Variants in SMURF1 observed in about 807,000 individuals in gnomAD.
SMURF1 encodes SMAD specific E3 ubiquitin protein ligase 1, also known as E3 ubiquitin-protein ligase SMURF1.
In SMURF1, 44 loss-of-function variants were observed where a neutral mutation model predicts 98.0. The observed-to-expected ratio is 0.45, with a 90% CI of 0.35 to 0.58. The LOEUF (loss-of-function observed/expected upper bound fraction) is 0.58. Ranked by LOEUF, SMURF1 falls within the 20% of genes least tolerant of loss-of-function variation. SMURF1 has a pLI of 0.00. For synonymous variants in SMURF1, 396 were observed against 374.9 expected (o/e 1.06, Z -0.65); for missense variants, 687 against 938.4 (o/e 0.73, Z 3.50).
rs912935901 is a variant in SMURF1 at position 99,057,226 on chromosome 7, C to T, written c.382G>A (p.Ala128Thr). 4.3e-6 allele frequency: 7 copies of T among 1,613,868 alleles called. No homozygotes were observed. In the Admixed American group the frequency reaches 8.3e-5, roughly 19 times the overall value. ...LCKLNPSDTDAVRGQIVVSLQ... is the reference protein window; with the variant it reads ...LCKLNPSDTDTVRGQIVVSLQ... ...TTACCCACTATCTGGCCACGAACTG[C>T]ATCAGTATCTGAGGGGTTTAGTTTG... The change falls in exon 5 of 18, where the codon GCA becomes ACA. Residue 128 changes from alanine (A) to threonine (T), a missense_variant. By Grantham distance (58) the Ala-to-Thr change is moderately conservative. This residue lies in a region of SMURF1 where 415 missense variants were observed against 508.4 expected (regional missense o/e 0.82). Coordinates refer to ENST00000361368, the MANE Select transcript of SMURF1 (RefSeq NM_181349.3).
chr7:99,101,364 C>T (rs1797076246), intron 1 of SMURF1, among the ~76,000 whole-genome samples: 1 of 152,008 alleles, frequency 6.6e-6, no homozygotes, highest in African/African-American at 2.4e-5. Flanking sequence ...AGAACAAGAC[C>T]CTGTCTCAAA....
chr7:99,040,137 A>AT (rs902462221), intron 13 of SMURF1, among the ~76,000 whole-genome samples: 8 of 151,888 alleles, frequency 5.3e-5, no homozygotes, highest in African/African-American at 1.2e-4. Flanking sequence ...GTTTTTTTGT[A>AT]TTTTTTTGCA....
intron 1 of SMURF1, among the ~76,000 whole-genome samples, chr7:99,074,921 G>T (rs1025373067): frequency 1.3e-5 from 2 of 152,158 alleles, no homozygotes; most frequent in East Asian, 3.9e-4. Context: ...ACATCACATG[G>T]CCAATAAGCA....
chr7:99,073,853 TA>T (rs1796391284), intron 1 of SMURF1, among the ~76,000 whole-genome samples: 1 of 152,150 alleles, frequency 6.6e-6, no homozygotes. Flanking sequence ...GCTCACCATG[TA>T]GTAAAAGGAT....
At position 99,126,396 on chromosome 7, in the gene SMURF1, G is replaced by A. The variant is rs181114658; in HGVS notation, c.55+17330C>T. ...GGCTGGGCTGGGTGCAGTGGTTCAC[G>A]CCTGTAATCCCAGCACTTTGGTTGG... On this transcript the variant is annotated intron_variant, in intron 1 of 17. Transcript: ENST00000361368. Among the ~76,000 whole-genome samples the A allele has an allele frequency of 1.0e-4, 15 of 147,836 alleles. No homozygotes were observed. The East Asian group carries it at 2.8e-3, about 27-fold the overall frequency.
chr7:99,074,320 A>G (rs975882726), intron 1 of SMURF1, among the ~76,000 whole-genome samples: 2 of 152,222 alleles, frequency 1.3e-5, no homozygotes, highest in Non-Finnish European at 2.9e-5. Flanking sequence ...GTACACTCAG[A>G]TATTTATAAA....
At chr7:99,142,531 G>A (rs1798149139) in intron 1 of SMURF1, among the ~76,000 whole-genome samples, 1 of 150,832 alleles carries the variant, frequency 6.6e-6, no homozygotes, top group East Asian at 2.0e-4. Context: ...GGAAAGAAAG[G>A]GTGGAGGCCT....
chr7:99,074,207 G>A (rs1420316537), intron 1 of SMURF1, among the ~76,000 whole-genome samples: 1 of 152,236 alleles, frequency 6.6e-6, no homozygotes, highest in Non-Finnish European at 1.5e-5. Context: ...GTAATGACCT[G>A]AAGGACGCAT....
chr7:99,097,598 A>T (rs1584175772), intron 1 of SMURF1, among the ~76,000 whole-genome samples: 1 of 152,198 alleles, frequency 6.6e-6, no homozygotes, highest in African/African-American at 2.4e-5. Flanking sequence ...AGATGCTAGC[A>T]CCCTGATATT....
At chr7:99,134,719 T>G (rs1797951455) in intron 1 of SMURF1, among the ~76,000 whole-genome samples, 1 of 152,166 alleles carries the variant, frequency 6.6e-6, no homozygotes, top group African/African-American at 2.4e-5. Context: ...AGCATTTTAC[T>G]CCTATTTTAA....
chr7:99,073,873 A>G (rs1481880021), intron 1 of SMURF1, among the ~76,000 whole-genome samples: 4 of 152,192 alleles, frequency 2.6e-5, no homozygotes, highest in Non-Finnish European at 5.9e-5. Context: ...ATAATAAATA[A>G]TAGTAGCACA....
chr7:99,060,089 C>T (rs914931148), intron 3 of SMURF1, among the ~76,000 whole-genome samples: 1 of 151,302 alleles, frequency 6.6e-6, no homozygotes, highest in African/African-American at 2.4e-5. Context: ...ATGAACATGC[C>T]AAATGCAGTC....
At chr7:99,118,783 A>C (rs1046204063) in intron 1 of SMURF1, among the ~76,000 whole-genome samples, 1 of 152,160 alleles carries the variant, frequency 6.6e-6, no homozygotes. Context: ...TTATGTTGCA[A>C]GAATTTTACC....
intron 16 of SMURF1, among the ~76,000 whole-genome samples, chr7:99,034,627 G>A (rs1171703477): frequency 6.6e-6 from 1 of 152,110 alleles, no homozygotes; most frequent in Non-Finnish European, 1.5e-5. Flanking sequence ...AATGAGAAAG[G>A]CTTTGTAAAT....
intron 15 of SMURF1, 90 bp downstream of exon 15, chr7:99,036,977 G>C: frequency 1.3e-6 from 2 of 1,567,784 alleles, no homozygotes; most frequent in Non-Finnish European, 1.7e-6. Context: ...CTAGAAAGCG[G>C]CACACACTGC....
At chr7:99,067,584 G>A (rs1427880850) in intron 1 of SMURF1, among the ~76,000 whole-genome samples, 1 of 152,168 alleles carries the variant, frequency 6.6e-6, no homozygotes, top group African/African-American at 2.4e-5. Context: ...TGGAAAGGAA[G>A]TGTTTTGCTA....
rs539882264 is a variant in SMURF1 at position 99,058,154 on chromosome 7, G to A, written c.204-603C>T. Among the ~76,000 whole-genome samples, 9 of 151,288 alleles carry A rather than the reference G, an allele frequency of 5.9e-5. No homozygotes were observed. The East Asian group carries it at 7.8e-4, about 13-fold the overall frequency. On this transcript the variant is annotated intron_variant, in intron 3 of 17. Transcript: ENST00000361368. Reference sequence around the variant, plus strand: ...ATTTATTTTTTTATTTTTTTGAGACGGAATTTTGCTCTTGTCGCCCAGGCC... The same window carrying A: ...ATTTATTTTTTTATTTTTTTGAGACAGAATTTTGCTCTTGTCGCCCAGGCC...
intron 15 of SMURF1, among the ~76,000 whole-genome samples, chr7:99,036,678 G>A (rs1167602602): frequency 1.3e-5 from 2 of 152,100 alleles, no homozygotes; most frequent in Non-Finnish European, 2.9e-5. Flanking sequence ...AGAGAAGACA[G>A]TAGCCCCTTG....
At chr7:99,118,971 C>A (rs929222055) in intron 1 of SMURF1, among the ~76,000 whole-genome samples, 12 of 146,290 alleles carry the variant, frequency 8.2e-5, no homozygotes, top group African/African-American at 2.5e-4. Flanking sequence ...AGCGATCGTC[C>A]CATCTCAGCC....
Sources: allele counts gnomAD v4.1 joint callset (sites outside exome capture counted in the v4.1 genomes callset), GRCh38; gene constraint gnomAD v4.1.1; regional missense constraint gnomAD v4.1.1; transcripts MANE v1.5; gene names NCBI Gene and HGNC (gene_info 2026-07-23, HGNC 2026-07-21).